ELMO1: variants seen among roughly 807,000 people sequenced by gnomAD.
The protein encoded by ELMO1 is engulfment and cell motility protein 1.
In ELMO1, 26 loss-of-function variants were observed where a neutral mutation model predicts 98.9. The ratio of observed to expected loss-of-function variants is 0.26; its 90% CI spans 0.19 to 0.36. The LOEUF is 0.36. Among genes scored for constraint, ELMO1 ranks in the 10% least tolerant of loss-of-function variants. ELMO1 has a pLI of 1.00. For missense variants in ELMO1, 627 were observed against 935.2 expected (o/e 0.67, Z 4.30); for synonymous variants, 346 against 346.0 (o/e 1.00, Z 0.00).
intron 16 of ELMO1, among the ~76,000 whole-genome samples, chr7:36,946,341 C>T (rs559133980): frequency 6.6e-6 from 1 of 152,276 alleles, no homozygotes; most frequent in South Asian, 2.1e-4. Flanking sequence ...ACTACAGTCC[C>T]CTCCCAGTAA....
intron 15 of ELMO1, among the ~76,000 whole-genome samples, chr7:37,061,394 CAA>C (rs1215128153): frequency 6.6e-6 from 1 of 152,174 alleles, no homozygotes; most frequent in African/African-American, 2.4e-5. Flanking sequence ...TTTATTGAAA[CAA>C]AGAATACAGC....
intron 16 of ELMO1, among the ~76,000 whole-genome samples, chr7:36,925,130 A>T (rs1482724241): frequency 6.6e-6 from 1 of 152,096 alleles, no homozygotes; most frequent in Non-Finnish European, 1.5e-5. Context: ...GTGGCTGAGA[A>T]ACCTTTGACT....
Position 36,855,338 on chromosome 7 carries a change from A to T in ELMO1, c.*213T>A. 1.7e-6 allele frequency: 1 copy of T among 597,694 alleles called. No homozygotes were observed. Among genetic ancestry groups the T allele is most frequent in the Non-Finnish European group, 2.9e-6 (1 of 339,764 alleles). 37.0% of individuals were successfully genotyped at this position (597,694 alleles called of 1,614,324 possible). Reference sequence around the variant, plus strand: ...GACTGCAGCCATGGGAAGTGACCTGAAGCAGTGGAGCCGAGGAACAGAATC... The same window carrying T: ...GACTGCAGCCATGGGAAGTGACCTGTAGCAGTGGAGCCGAGGAACAGAATC... On this transcript the variant is annotated 3_prime_UTR_variant, in exon 22 of 22. Transcript: ENST00000310758. This position sits in a 1 kb window ranked among gnomAD's most constrained non-coding sequence, Gnocchi z 4.2.
intron 16 of ELMO1, among the ~76,000 whole-genome samples, chr7:36,962,105 G>A (rs1408418640): frequency 1.3e-5 from 2 of 152,212 alleles, no homozygotes; most frequent in African/African-American, 2.4e-5. Flanking sequence ...ATTTTTGGCT[G>A]TAGCTTAGGG....
chr7:37,438,468 C>T (rs935261233), intron 1 of ELMO1, among the ~76,000 whole-genome samples: 2 of 149,702 alleles, frequency 1.3e-5, no homozygotes, highest in African/African-American at 2.5e-5. Flanking sequence ...GGCGTGGTGG[C>T]GGGAGCCTGT....
At position 37,213,140 on chromosome 7, in the gene ELMO1, G is replaced by C. The variant is rs1007571150; in HGVS notation, c.954+195C>G. Among the ~76,000 whole-genome samples, 4 of 152,262 alleles carry C rather than the reference G, an allele frequency of 2.6e-5. No individual in the cohort carries two copies. In the East Asian group the frequency reaches 5.8e-4, roughly 22 times the overall value. The stretch of plus-strand genomic sequence containing the variant: ...GAACATGCATGTTTGGAGCCTAATG[G>C]AAGAATGCATTTGGTATATTTTCTG... On this transcript the variant is annotated intron_variant, in intron 12 of 21. Coordinates refer to ENST00000310758, the MANE Select transcript of ELMO1 (RefSeq NM_014800.11).
intron 13 of ELMO1, among the ~76,000 whole-genome samples, chr7:37,197,778 C>T (rs1351951499): frequency 1.3e-5 from 2 of 152,216 alleles, no homozygotes; most frequent in African/African-American, 2.4e-5. Context: ...GGCAAAATCA[C>T]GAGTACAAGC....
chr7:37,337,619 G>T (rs1304954645), intron 2 of ELMO1, among the ~76,000 whole-genome samples: 1 of 151,950 alleles, frequency 6.6e-6, no homozygotes, highest in Non-Finnish European at 1.5e-5. Flanking sequence ...TCCCTTCTCT[G>T]CTAGCAGTAG....
chr7:36,999,905 A>C (rs1289793972), intron 16 of ELMO1, among the ~76,000 whole-genome samples: 1 of 152,164 alleles, frequency 6.6e-6, no homozygotes, highest in East Asian at 1.9e-4. Flanking sequence ...ATAACTTGAA[A>C]ATTTAATGAA....
At chr7:37,343,061 C>T (rs1800804143) in intron 1 of ELMO1, 1 of 216,732 alleles carries the variant, frequency 4.6e-6, no homozygotes, top group Middle Eastern at 1.8e-3. Flanking sequence ...CCACTGAGTT[C>T]TGCTCTGAAT....
At chr7:37,366,359 C>A (rs1801902975) in intron 1 of ELMO1, among the ~76,000 whole-genome samples, 1 of 152,040 alleles carries the variant, frequency 6.6e-6, no homozygotes, top group Non-Finnish European at 1.5e-5. Flanking sequence ...AGAAAACAAA[C>A]CACCCTTTCA....
intron 4 of ELMO1, among the ~76,000 whole-genome samples, chr7:37,304,680 C>T (rs761106798): frequency 4.0e-4 from 61 of 152,238 alleles, no homozygotes; most frequent in South Asian, 1.7e-3. Context: ...TGCGCCACTG[C>T]GCTTCAGCCT....
At chr7:36,883,923 T>C (rs1804692592) in intron 18 of ELMO1, among the ~76,000 whole-genome samples, 1 of 152,194 alleles carries the variant, frequency 6.6e-6, no homozygotes, top group Non-Finnish European at 1.5e-5. Context: ...CCAAGGATTC[T>C]GCGACCAGAG....
At chr7:36,914,241 C>T (rs1191615069) in intron 16 of ELMO1, among the ~76,000 whole-genome samples, 1 of 152,170 alleles carries the variant, frequency 6.6e-6, no homozygotes. Flanking sequence ...AATCAGCTCT[C>T]CCAAAGTATA....
chr7:37,371,651 C>A, intron 1 of ELMO1, among the ~76,000 whole-genome samples: 1 of 152,146 alleles, frequency 6.6e-6, no homozygotes, highest in East Asian at 1.9e-4. Context: ...ACGAACGTTT[C>A]TTTTCTTTCC....
intron 8 of ELMO1, among the ~76,000 whole-genome samples, chr7:37,228,512 T>C (rs1793989363): frequency 6.6e-6 from 1 of 151,994 alleles, no homozygotes; most frequent in African/African-American, 2.4e-5. Context: ...GCAAGAGGAG[T>C]TAGCAGTAAT....
At chr7:37,021,217 G>A (rs906524386) in intron 15 of ELMO1, among the ~76,000 whole-genome samples, 1 of 152,102 alleles carries the variant, frequency 6.6e-6, no homozygotes, top group Non-Finnish European at 1.5e-5. Flanking sequence ...CTGCCTATGA[G>A]TTCAGCCTAG....
chr7:37,420,455 G>T (rs551806708), intron 1 of ELMO1, among the ~76,000 whole-genome samples: 13 of 152,096 alleles, frequency 8.5e-5, no homozygotes, highest in Non-Finnish European at 1.6e-4. Flanking sequence ...TTCATAAAGG[G>T]GGCTCCACAA....
chr7:37,386,787 T>G (rs1319523586), intron 1 of ELMO1, among the ~76,000 whole-genome samples: 3 of 152,196 alleles, frequency 2.0e-5, no homozygotes, highest in African/African-American at 7.2e-5. Flanking sequence ...TCCCATCCCC[T>G]GCCGAATTTT....
Sources: gnomAD v4.1 joint callset for allele counts (sites outside exome capture counted in the v4.1 genomes callset) on GRCh38, gnomAD v4.1.1 for gene constraint, Gnocchi (gnomAD v3.1) non-coding constraint, MANE v1.5 for transcripts, NCBI Gene and HGNC (gene_info 2026-07-23, HGNC 2026-07-21) for gene names.